DNM2: variants seen among roughly 807,000 people sequenced by gnomAD.
The protein encoded by DNM2 is dynamin-2.
In DNM2, 15 loss-of-function variants were observed where a neutral mutation model predicts 99.0. That is an observed-to-expected ratio of 0.15 (90% CI 0.10 to 0.23). The LOEUF is 0.23. Among genes scored for constraint, DNM2 ranks in the 10% least tolerant of loss-of-function variants. The pLI, the probability that DNM2 is intolerant of heterozygous loss-of-function variation, is 1.00. For synonymous variants in DNM2, 525 were observed against 481.2 expected, an observed-to-expected ratio of 1.09 and a Z score of -1.19; for missense variants, 742 against 1,189.4, an observed-to-expected ratio of 0.62 and a Z score of 5.53.
chr19:10,743,287 G>A (rs1490025873), intron 1 of DNM2, among the ~76,000 whole-genome samples: 1 of 152,150 alleles, frequency 6.6e-6, no homozygotes, highest in African/African-American at 2.4e-5. Flanking sequence ...AGGCAGGGCA[G>A]TGAACAAGAC....
In DNM2 at chr19:10,812,252, G is replaced by A. The variant is rs200691041; in HGVS notation, c.1558-12G>A. The A allele has an allele frequency of 1.9e-5, 30 of 1,584,080 alleles. No individual in the cohort carries two copies. Among genetic ancestry groups the A allele is most frequent in the Admixed American group, 3.7e-5 (2 of 54,572 alleles). On this transcript the variant is annotated splice_polypyrimidine_tract_variant and intron_variant, in intron 14 of 20. Coordinates refer to ENST00000389253, the MANE Select transcript of DNM2 (RefSeq NM_001005361.3). The surrounding 1 kb of genome is among the most constrained non-coding windows in gnomAD (Gnocchi z 4.0). Reference sequence around the variant, plus strand: ...AGCGAGGTTCCCTGCTAAGCTGCGCGCTTTCCCCCAGGTGATCCGCAGGGG... The same window carrying A: ...AGCGAGGTTCCCTGCTAAGCTGCGCACTTTCCCCCAGGTGATCCGCAGGGG...
At chr19:10,794,344 C>CGTGTGTGTGTGTGTGTGTGTGTGTGT (rs58263525) in intron 8 of DNM2, among the ~76,000 whole-genome samples, 1 of 141,616 alleles carries the variant, frequency 7.1e-6, no homozygotes, top group Non-Finnish European at 1.6e-5. Flanking sequence ...CTTCTTTTTC[C>CGTGTGTGTGTGTGTGTGTGTGTGTGT]GTGTGTGTGT....
At position 10,722,758 on chromosome 19, in the gene DNM2, G is replaced by T. The variant is rs1448078273; in HGVS notation, c.161+4355G>T. ...CTCCTACCTCTCAGCCTCCTAAGTA[G>T]CTGGGACTACAGGCACGTGCCACCA... On this transcript the variant is annotated intron_variant, in intron 1 of 20. Transcript: ENST00000389253. Among the ~76,000 whole-genome samples the T allele has an allele frequency of 2.0e-5, 3 of 152,136 alleles. No individual in the cohort carries two copies. The East Asian group carries it at 5.8e-4, about 29-fold the overall frequency.
chr19:10,727,328 G>C (rs1560706), intron 1 of DNM2, among the ~76,000 whole-genome samples: 12,728 of 152,052 alleles, frequency 0.084, 562 homozygotes, highest in Middle Eastern at 0.11. Context: ...GGGGACAGTT[G>C]TAGATTTAGA....
chr19:10,803,443 C>T (rs1402235284), intron 12 of DNM2, among the ~76,000 whole-genome samples: 3 of 152,176 alleles, frequency 2.0e-5, no homozygotes, highest in Admixed American at 1.3e-4. Flanking sequence ...TGGGTGGCAG[C>T]CCCCGGCCCT....
In DNM2 at chr19:10,780,015, C is replaced by T. The variant is rs563061536; in HGVS notation, c.688+2799C>T. ...GGCATCTACTCTAAGCTGCGGGCAC[C>T]TCCTGCCTTTCCCTTCATGCTTAGC... On this transcript the variant is annotated intron_variant, in intron 5 of 20. Coordinates refer to ENST00000389253, the MANE Select transcript of DNM2 (RefSeq NM_001005361.3). Among the ~76,000 whole-genome samples, 236 of 152,174 alleles carry T rather than the reference C, an allele frequency of 1.6e-3. 1 individual carries two copies. The highest frequency in any genetic ancestry group is 1.1e-3 in the Non-Finnish European group (74 of 68,002).
rs1319607442 is a variant in DNM2 at position 10,764,365 on chromosome 19, C to G, written c.235+4554C>G. Among the ~76,000 whole-genome samples, 1 of 152,226 alleles carries G rather than the reference C, an allele frequency of 6.6e-6. No individual in the cohort carries two copies. The highest frequency in any genetic ancestry group is 1.5e-5 in the Non-Finnish European group (1 of 68,036). On this transcript the variant is annotated intron_variant, in intron 2 of 20. Transcript: ENST00000389253. The surrounding 1 kb of genome is among the most constrained non-coding windows in gnomAD (Gnocchi z 4.1). ...GCCCCCAGGGCGCAGCCCACGTTCC[C>G]CTCTGGTTCCCGCAGCTTGCCCTCA...
intron 1 of DNM2, among the ~76,000 whole-genome samples, chr19:10,735,004 G>A (rs2069471002): frequency 6.6e-6 from 1 of 151,424 alleles, no homozygotes; most frequent in Admixed American, 6.6e-5. Context: ...CATTGGTGAG[G>A]TGCCCCTCTC....
In DNM2 at chr19:10,783,285, T is replaced by C. The variant is rs182011761; in HGVS notation, c.849+165T>C. 4.9e-4 allele frequency among the ~76,000 whole-genome samples: 75 copies of C among 152,256 alleles called. No homozygotes were observed. In the Middle Eastern group the frequency reaches 0.01, roughly 21 times the overall value. ...GTTTGAGACCAGTCTGGGCAACATA[T>C]GGAGACCCCATCTCTAGGAAAAATA... is the stretch of plus-strand genomic sequence containing the variant. On this transcript the variant is annotated intron_variant, in intron 6 of 20. Coordinates refer to ENST00000389253, the MANE Select transcript of DNM2 (RefSeq NM_001005361.3).
rs764672912 is a variant in DNM2 at position 10,795,605 on chromosome 19, A to G, written c.1196+166A>G. 5.4e-5 allele frequency: 39 copies of G among 719,212 alleles called. No homozygotes were observed. Among genetic ancestry groups the G allele is most frequent in the Non-Finnish European group, 9.2e-5 (38 of 412,968 alleles). The allele number at this position is 719,212 out of a possible 1,614,324, so 44.6% of individuals were successfully genotyped here. ...CCTCCCTGAGGGTCTCCAAGGGCAC[A>G]TGAGGGTGGATGTGTCTTAGTCCTG... is the stretch of plus-strand genomic sequence containing the variant. On this transcript the variant is annotated intron_variant, in intron 9 of 20. Coordinates refer to ENST00000389253, the MANE Select transcript of DNM2 (RefSeq NM_001005361.3). This position sits in a 1 kb window ranked among gnomAD's most constrained non-coding sequence, Gnocchi z 4.2.
In DNM2 at chr19:10,831,041, C is replaced by G. The variant is rs144472798; in HGVS notation, c.2607C>G (p.Leu869=). ...TCCGCCCAGCCGAGCCATCCCTGCTCGACTAGGCCTCGAGGGGGGCGTGCT... is the reference window on the plus strand; with the variant it reads ...TCCGCCCAGCCGAGCCATCCCTGCTGGACTAGGCCTCGAGGGGGGCGTGCT... ...TIIRPAEPSL[L]D Residue 869 remains leucine (L), a synonymous_variant, in exon 21 of 21, where the codon CTC becomes CTG. Transcript: ENST00000389253. The surrounding 1 kb of genome is among the most constrained non-coding windows in gnomAD (Gnocchi z 4.3). The G allele has an allele frequency of 1.9e-6, 3 of 1,607,234 alleles. No homozygotes were observed. Among genetic ancestry groups the G allele is most frequent in the Non-Finnish European group, 2.5e-6 (3 of 1,176,878 alleles).
At chr19:10,748,085 G>A (rs944188728) in intron 1 of DNM2, among the ~76,000 whole-genome samples, 2 of 152,162 alleles carry the variant, frequency 1.3e-5, no homozygotes, top group African/African-American at 4.8e-5. Context: ...AGGACAGGTC[G>A]TGCAGGGCTT....
chr19:10,827,165 A>G (rs1309708355), intron 18 of DNM2, among the ~76,000 whole-genome samples: 1 of 152,172 alleles, frequency 6.6e-6, no homozygotes, highest in East Asian at 1.9e-4. Context: ...CAGTGTTCAC[A>G]GTTTCATGGT....
Position 10,831,725 on chromosome 19 carries a change from G to C in DNM2, c.*678G>C. 2.0e-6 allele frequency: 2 copies of C among 986,472 alleles called. No individual in the cohort carries two copies. Among genetic ancestry groups the C allele is most frequent in the Non-Finnish European group, 2.4e-6 (2 of 830,492 alleles). The allele number at this position is 986,472 out of a possible 1,614,324, so 61.1% of individuals were successfully genotyped here. On this transcript the variant is annotated 3_prime_UTR_variant, in exon 21 of 21. Coordinates refer to ENST00000389253, the MANE Select transcript of DNM2 (RefSeq NM_001005361.3). This position sits in a 1 kb window ranked among gnomAD's most constrained non-coding sequence, Gnocchi z 4.3. ...GTGGCTGGGCTTGGGCTATGTGGGT[G>C]GTGGTGGCGGGGGGTCTTGGGGGCC...
chr19:10,722,950 A>G (rs2068986569), intron 1 of DNM2, among the ~76,000 whole-genome samples: 2 of 151,100 alleles, frequency 1.3e-5, no homozygotes, highest in Admixed American at 1.3e-4. Context: ...AATACAAGTT[A>G]TAATAGCACT....
intron 2 of DNM2, among the ~76,000 whole-genome samples, chr19:10,761,876 G>A (rs982781414): frequency 6.6e-6 from 1 of 152,130 alleles, no homozygotes; most frequent in Admixed American, 6.5e-5. Flanking sequence ...CTGCTATTTC[G>A]TACGCCACCG....
intron 1 of DNM2, among the ~76,000 whole-genome samples, chr19:10,738,304 T>C (rs2069604861): frequency 6.6e-6 from 1 of 152,108 alleles, no homozygotes; most frequent in African/African-American, 2.4e-5. Flanking sequence ...GTGGAGACTT[T>C]CATTGAGATC....
chr19:10,720,698 C>A (rs1321266875), intron 1 of DNM2, among the ~76,000 whole-genome samples: 1 of 152,114 alleles, frequency 6.6e-6, no homozygotes, highest in Non-Finnish European at 1.5e-5. Flanking sequence ...CCATTACCCT[C>A]CAGCCTGGGT....
At position 10,796,598 on chromosome 19, in the gene DNM2, C is replaced by A. The variant is rs372102058; in HGVS notation, c.1197-782C>A. Among the ~76,000 whole-genome samples the A allele has an allele frequency of 1.3e-5, 2 of 152,178 alleles. No homozygotes were observed. Among genetic ancestry groups the A allele is most frequent in the Non-Finnish European group, 2.9e-5 (2 of 68,016 alleles). On this transcript the variant is annotated intron_variant, in intron 9 of 20. Coordinates refer to ENST00000389253, the MANE Select transcript of DNM2 (RefSeq NM_001005361.3). This position sits in a 1 kb window ranked among gnomAD's most constrained non-coding sequence, Gnocchi z 5.6. ...CTGTCACCCCTTCTTGACCAATGCC[C>A]GGCATTCTCAGACTTCCCTGGAGCC...
Sources: gnomAD v4.1 joint callset for allele counts (sites outside exome capture counted in the v4.1 genomes callset) on GRCh38, gnomAD v4.1.1 for gene constraint, Gnocchi (gnomAD v3.1) non-coding constraint, MANE v1.5 for transcripts, NCBI Gene and HGNC (gene_info 2026-07-23, HGNC 2026-07-21) for gene names.